The following ARK2N variants were observed in gnomAD, a reference collection of about 807,000 sequenced individuals.
ARK2N encodes the protein protein ARK2N.
the ARK2N span, among the ~76,000 whole-genome samples, chr18:46,236,830 G>GT: frequency 1.7e-3 from 257 of 148,786 alleles, no homozygotes; most frequent in African/African-American, 3.4e-3. Flanking sequence ...AGCAGCTTCT[G>GT]TTTTTTTTTT....
chr18:46,210,785 C>T, the ARK2N span, among the ~76,000 whole-genome samples: 2 of 152,004 alleles, frequency 1.3e-5, no homozygotes, highest in Admixed American at 6.6e-5. Flanking sequence ...TGGCTTGCAC[C>T]TGTAGTCTCA....
chr18:46,252,037 A>G, the ARK2N span, among the ~76,000 whole-genome samples: 3 of 152,040 alleles, frequency 2.0e-5, no homozygotes, highest in African/African-American at 7.2e-5. Flanking sequence ...TACTAAAACT[A>G]CAAAAATTAG....
chr18:46,204,104 CT>C, the ARK2N span, among the ~76,000 whole-genome samples: 1,168 of 132,398 alleles, frequency 8.8e-3, 3 homozygotes, highest in African/African-American at 0.015. Flanking sequence ...TTTTTATGTT[CT>C]TTTTTTTTTT....
At chr18:46,199,147 C>T in the ARK2N span, among the ~76,000 whole-genome samples, 2 of 151,962 alleles carry the variant, frequency 1.3e-5, no homozygotes, top group Non-Finnish European at 2.9e-5. Flanking sequence ...GAAACTTGCC[C>T]TCAGTCAATA....
the ARK2N span, among the ~76,000 whole-genome samples, chr18:46,245,953 A>G: frequency 6.6e-6 from 1 of 152,118 alleles, no homozygotes; most frequent in Admixed American, 6.5e-5. Context: ...ATTTTCTCAT[A>G]TAGTGAAAGA....
chr18:46,239,855 A>C, the ARK2N span: 1 of 730,532 alleles, frequency 1.4e-6, no homozygotes, highest in East Asian at 2.6e-5. Flanking sequence ...TCACTTTCAC[A>C]TTTTGTACAA....
the ARK2N span, among the ~76,000 whole-genome samples, chr18:46,187,100 C>T: frequency 0.65 from 98,079 of 150,406 alleles, 33,172 homozygotes; most frequent in Non-Finnish European, 0.74. Flanking sequence ...GCGATCCGCC[C>T]GCCTTGGCCT....
chr18:46,233,902 G>A, the ARK2N span, among the ~76,000 whole-genome samples: 7 of 152,108 alleles, frequency 4.6e-5, no homozygotes, highest in East Asian at 1.9e-4. Context: ...GCTGCATTTC[G>A]TTTCCATGTA....
chr18:46,250,692 T>C, the ARK2N span, among the ~76,000 whole-genome samples: 1 of 152,138 alleles, frequency 6.6e-6, no homozygotes, highest in Non-Finnish European at 1.5e-5. Context: ...ACGTCACCCC[T>C]CTGCTTACCC....
the ARK2N span, among the ~76,000 whole-genome samples, chr18:46,174,726 G>A: frequency 6.6e-6 from 1 of 152,148 alleles, no homozygotes; most frequent in Non-Finnish European, 1.5e-5. Flanking sequence ...CGACTTCACG[G>A]CCCTGGAGTT....
chr18:46,217,579 G>A, the ARK2N span: 1 of 152,166 alleles, frequency 6.6e-6, no homozygotes, highest in African/African-American at 2.4e-5. Context: ...TGTGAAGACA[G>A]CATATTGCTG....
chr18:46,259,899 G>GTGTGTGTGTGTGTGTGTGTGTGTGTA, the ARK2N span, among the ~76,000 whole-genome samples: 1 of 132,574 alleles, frequency 7.5e-6, no homozygotes, highest in Non-Finnish European at 1.7e-5. Context: ...GTGTGTGTGT[G>GTGTGTGTGTGTGTGTGTGTGTGTGTA]CGACAGAGAT....
the ARK2N span, among the ~76,000 whole-genome samples, chr18:46,194,328 C>T: frequency 1.1e-4 from 17 of 151,016 alleles, no homozygotes; most frequent in Non-Finnish European, 2.1e-4. Context: ...AGGCCAGGTG[C>T]GGGGGCTCAC....
chr18:46,201,535 T>C, the ARK2N span, among the ~76,000 whole-genome samples: 20 of 152,102 alleles, frequency 1.3e-4, no homozygotes, highest in African/African-American at 4.8e-4. Context: ...TCTTTGCTTT[T>C]TCAGGGTTTC....
chr18:46,182,443 T>C, the ARK2N span, among the ~76,000 whole-genome samples: 1 of 151,998 alleles, frequency 6.6e-6, no homozygotes, highest in Non-Finnish European at 1.5e-5. Context: ...TTGGAGAAAA[T>C]TTAGAACCTT....
chr18:46,257,373 C>A, the ARK2N span, among the ~76,000 whole-genome samples: 1 of 152,104 alleles, frequency 6.6e-6, no homozygotes, highest in Non-Finnish European at 1.5e-5. Context: ...AATATCTTCT[C>A]CTATTCTTTT....
chr18:46,176,070 G>A, the ARK2N span, among the ~76,000 whole-genome samples: 168 of 152,284 alleles, frequency 1.1e-3, no homozygotes, highest in African/African-American at 3.9e-3. Context: ...CATTAGAACT[G>A]AGGGCTAATG....
At chr18:46,258,224 G>A in the ARK2N span, among the ~76,000 whole-genome samples, 1 of 152,012 alleles carries the variant, frequency 6.6e-6, no homozygotes, top group African/African-American at 2.4e-5. Flanking sequence ...CCATGCCCAG[G>A]CCTGTTGCTA....
At chr18:46,202,657 G>T in the ARK2N span, among the ~76,000 whole-genome samples, 1 of 151,770 alleles carries the variant, frequency 6.6e-6, no homozygotes, top group South Asian at 2.1e-4. Context: ...GCGTAGTGGC[G>T]GGTGCCTGTA....
Sources: allele counts gnomAD v4.1 joint callset (sites outside exome capture counted in the v4.1 genomes callset), GRCh38; gene constraint gnomAD v4.1.1; transcripts MANE v1.5; gene names NCBI Gene and HGNC (gene_info 2026-07-23, HGNC 2026-07-21).